The following KCTD2 variants were observed in gnomAD, a reference collection of about 807,000 sequenced individuals.
KCTD2 encodes the protein BTB/POZ domain-containing protein KCTD2.
KCTD2 carries 18 observed loss-of-function variants against 27.9 expected under a neutral mutation model. That is an observed-to-expected ratio of 0.64 (90% confidence interval 0.45 to 0.96). The LOEUF is 0.96. Ranked by LOEUF, KCTD2 falls within the 40% of genes least tolerant of loss-of-function variation. The probability of loss-of-function intolerance (pLI) is 0.00; values close to 1 mark genes in which losing one functional copy is unlikely to be tolerated. For missense variants in KCTD2, 280 were observed against 348.0 expected, an observed-to-expected ratio of 0.80 and a Z score of 1.56; for synonymous variants, 175 against 148.4, an observed-to-expected ratio of 1.18 and a Z score of -1.30.
chr17:75,055,880 A>G (rs1374293951), intron 3 of KCTD2, among the ~76,000 whole-genome samples: 1 of 151,244 alleles, frequency 6.6e-6, no homozygotes, highest in Admixed American at 6.6e-5. Context: ...AAAATACGAA[A>G]ATTGTCTGAG....
chr17:75,042,325 A>G, upstream of KCTD2: 2 of 1,592,264 alleles, frequency 1.3e-6, no homozygotes, highest in Non-Finnish European at 1.7e-6. Context: ...AAGCAGTAGA[A>G]AATTCACATG....
chr17:75,057,664 G>C (rs561213243), intron 3 of KCTD2, among the ~76,000 whole-genome samples: 1 of 149,820 alleles, frequency 6.7e-6, no homozygotes, highest in East Asian at 2.0e-4. Context: ...GGTTCAAGCA[G>C]TTCTCCCGCC....
rs1192797067 is a variant in KCTD2 at position 75,036,333 on chromosome 17, G to A, written c.-259+976G>A. On this transcript the variant is annotated intron_variant, in intron 3 of 7. Transcript: ENST00000581589. The stretch of plus-strand genomic sequence containing the variant: ...AGACGGGGTTTCACCGTGTTAGCCA[G>A]GATGGTCTCAATTTCCTGACCTAGT... 3.3e-5 allele frequency among the ~76,000 whole-genome samples: 5 copies of A among 151,998 alleles called. No individual in the cohort carries two copies. In the Middle Eastern group the frequency reaches 0.01, roughly 310 times the overall value.
At chr17:75,040,268 A>G in intron 3 of KCTD2, 1 of 1,360,130 alleles carries the variant, frequency 7.4e-7, no homozygotes, top group South Asian at 1.2e-5. Flanking sequence ...GGAAGCTACG[A>G]ATCCTTAAAG....
intron 5 of KCTD2, 139 bp from the exon 6 acceptor site, chr17:75,062,879 G>A: frequency 1.2e-6 from 1 of 824,852 alleles, no homozygotes; most frequent in Non-Finnish European, 2.0e-6. Context: ...CACTGCGGGT[G>A]AGGCTGCGGC....
At chr17:75,037,233 A>G (rs903655927) in intron 3 of KCTD2, among the ~76,000 whole-genome samples, 2 of 151,406 alleles carry the variant, frequency 1.3e-5, no homozygotes, top group South Asian at 4.2e-4. Flanking sequence ...ACTCCCAGCT[A>G]CTCTGGAGGC....
chr17:75,047,377 G>C lies in KCTD2; in HGVS notation c.127G>C (p.Gly43Arg). ...SPRPAGPTPRGHGRPAAAVAQ... is the reference protein window; with the variant it reads ...SPRPAGPTPRRHGRPAAAVAQ... The stretch of plus-strand genomic sequence containing the variant: ...ACGCCCGGCTGGCCCCACGCCCCGC[G>C]GGCACGGCCGCCCGGCTGCCGCCGT... Residue 43 changes from glycine to arginine, a missense_variant, in exon 1 of 6, where the codon GGG (glycine) becomes CGG (arginine). Transcript: ENST00000322444. 2 of 1,131,094 alleles carry C rather than the reference G, an allele frequency of 1.8e-6. No homozygotes were observed. The highest frequency in any genetic ancestry group is 2.2e-6 in the Non-Finnish European group (2 of 924,664). The allele number at this position is 1,131,094 out of a possible 1,614,324, so 70.1% of individuals were successfully genotyped here.
upstream of KCTD2, chr17:75,047,055 G>A (rs1007543803): frequency 2.6e-5 from 7 of 264,718 alleles, no homozygotes; most frequent in Non-Finnish European, 4.3e-5. Flanking sequence ...ATAGAGATGA[G>A]GGCTGGTTCC....
chr17:75,046,205 C>T (rs2073214416), upstream of KCTD2, among the ~76,000 whole-genome samples: 1 of 152,134 alleles, frequency 6.6e-6, no homozygotes, highest in South Asian at 2.1e-4. Flanking sequence ...GCCTCAGCCT[C>T]CCGAGCAGCT....
At chr17:75,053,618 T>G (rs2073316191) in intron 3 of KCTD2, among the ~76,000 whole-genome samples, 1 of 151,988 alleles carries the variant, frequency 6.6e-6, no homozygotes, top group South Asian at 2.1e-4. Context: ...TTTTTGTATT[T>G]TTTTAGTAGA....
chr17:75,061,872 A>G (rs1231184807), intron 4 of KCTD2, among the ~76,000 whole-genome samples: 1 of 149,578 alleles, frequency 6.7e-6, no homozygotes, highest in Non-Finnish European at 1.5e-5. Flanking sequence ...ACGGGGGGGG[A>G]CTTCAGAGCT....
intron 2 of KCTD2, among the ~76,000 whole-genome samples, chr17:75,050,369 C>A (rs1465944287): frequency 1.3e-5 from 2 of 152,086 alleles, no homozygotes; most frequent in Non-Finnish European, 2.9e-5. Context: ...TCAAGCGATT[C>A]TCCTGCCTCA....
chr17:75,051,487 T>C (rs978236178), intron 2 of KCTD2, among the ~76,000 whole-genome samples: 7 of 151,652 alleles, frequency 4.6e-5, no homozygotes, highest in Admixed American at 3.3e-4. Flanking sequence ...GGTTTCACCA[T>C]GTTGGTCAGG....
At chr17:75,057,759 C>T (rs1270589480) in intron 3 of KCTD2, among the ~76,000 whole-genome samples, 5 of 151,838 alleles carry the variant, frequency 3.3e-5, no homozygotes, top group African/African-American at 9.7e-5. Flanking sequence ...TGGGGTTTCA[C>T]CATGTTGGCC....
At chr17:75,040,015 C>G in intron 3 of KCTD2, 2 of 1,491,240 alleles carry the variant, frequency 1.3e-6, no homozygotes, top group Non-Finnish European at 1.9e-6. Context: ...TTAATTCACT[C>G]TAACTTAACT....
At chr17:75,042,737 T>A, upstream of KCTD2, 1 of 1,375,144 alleles carries the variant, frequency 7.3e-7, no homozygotes, top group Non-Finnish European at 1.0e-6. Flanking sequence ...AATAACAAAA[T>A]AAGAGCTCTT....
At chr17:75,060,667 G>A in intron 4 of KCTD2, 2 of 1,488,738 alleles carry the variant, frequency 1.3e-6, no homozygotes, top group Non-Finnish European at 1.8e-6. Flanking sequence ...GGGCGCGCGT[G>A]CGAGGGCGGG....
upstream of KCTD2, chr17:75,042,383 T>C: frequency 6.6e-7 from 1 of 1,504,214 alleles, no homozygotes; most frequent in Non-Finnish European, 9.1e-7. Flanking sequence ...TCACCACACT[T>C]TCCTCTCCTA....
At chr17:75,047,116 G>A (rs554948236), upstream of KCTD2, 23 of 270,060 alleles carry the variant, frequency 8.5e-5, no homozygotes, top group African/African-American at 4.8e-4. Context: ...GCGGGTCCCC[G>A]GGCGCTGGTT....
Sources: allele counts gnomAD v4.1 joint callset (sites outside exome capture counted in the v4.1 genomes callset), GRCh38; gene constraint gnomAD v4.1.1; transcripts MANE v1.5; gene names NCBI Gene and HGNC (gene_info 2026-07-23, HGNC 2026-07-21).